Variants in RTTN observed in about 807,000 individuals in gnomAD.
RTTN encodes the protein rotatin.
Under a neutral mutation model 269.2 loss-of-function variants are expected in RTTN, and 182 were observed. That is an observed-to-expected ratio of 0.68 (90% CI 0.60 to 0.76). The LOEUF (loss-of-function observed/expected upper bound fraction) is 0.76. Among genes scored for constraint, RTTN ranks in the 30% least tolerant of loss-of-function variants. The probability of loss-of-function intolerance (pLI) is 0.00; values close to 1 mark genes in which losing one functional copy is unlikely to be tolerated. For synonymous variants in RTTN, 1,006 were observed against 963.5 expected, an observed-to-expected ratio of 1.04 and a Z score of -0.82; for missense variants, 2,545 against 2,608.6, an observed-to-expected ratio of 0.98 and a Z score of 0.53.
In RTTN at chr18:70,003,958, A is replaced by T; in HGVS notation, c.*193T>A. 2.4e-6 allele frequency: 1 copy of T among 408,668 alleles called. No individual in the cohort carries two copies. Among genetic ancestry groups the T allele is most frequent in the Non-Finnish European group, 4.3e-6 (1 of 230,800 alleles). The allele number at this position is 408,668 out of a possible 1,614,324, so 25.3% of individuals were successfully genotyped here. ...AAGGCACAGAAAGTTGTCAGCTGCT[A>T]TTACTTCTGGAGAGCTGCCACAACT... is the stretch of plus-strand genomic sequence containing the variant. On this transcript the variant is annotated 3_prime_UTR_variant, in exon 49 of 49. Coordinates refer to ENST00000640769, the MANE Select transcript of RTTN (RefSeq NM_173630.4).
At chr18:70,186,493 C>T (rs2061551087) in intron 10 of RTTN, among the ~76,000 whole-genome samples, 1 of 152,110 alleles carries the variant, frequency 6.6e-6, no homozygotes, top group African/African-American at 2.4e-5. Context: ...GTGGCTCGCA[C>T]CTGTAATTCT....
At chr18:70,018,826 CTTTTT>C (rs5825984) in intron 45 of RTTN, among the ~76,000 whole-genome samples, 13 of 48,986 alleles carry the variant, frequency 2.7e-4, no homozygotes, top group East Asian at 1.6e-3. Flanking sequence ...GTGGGCACTC[CTTTTT>C]TTTTTTTTTT....
chr18:70,095,307 T>C (rs2058972358), intron 28 of RTTN, among the ~76,000 whole-genome samples: 1 of 152,198 alleles, frequency 6.6e-6, no homozygotes, highest in Non-Finnish European at 1.5e-5. Flanking sequence ...ACATTTAAGA[T>C]TAATATTGTT....
Position 70,199,405 on chromosome 18 carries a change from G to A in RTTN, c.578+9C>T. 1 of 1,576,858 alleles carries A rather than the reference G, an allele frequency of 6.3e-7. No individual in the cohort carries two copies. Among genetic ancestry groups the A allele is most frequent in the Non-Finnish European group, 8.7e-7 (1 of 1,146,650 alleles). The stretch of plus-strand genomic sequence containing the variant: ...ACAAAAATACCTGAAAATACATCAA[G>A]CACCGTACCTTTCATTAGAGGAGAG... On this transcript the variant is annotated intron_variant, in intron 5 of 48. Coordinates refer to ENST00000640769, the MANE Select transcript of RTTN (RefSeq NM_173630.4).
intron 5 of RTTN, among the ~76,000 whole-genome samples, chr18:70,198,966 C>T (rs1027489416): frequency 6.6e-6 from 1 of 152,144 alleles, no homozygotes; most frequent in African/African-American, 2.4e-5. Context: ...AGGGGCGGAT[C>T]ACTTGAGATT....
At chr18:70,067,712 A>G (rs1225151637) in intron 34 of RTTN, among the ~76,000 whole-genome samples, 3 of 152,218 alleles carry the variant, frequency 2.0e-5, no homozygotes, top group Admixed American at 1.3e-4. Context: ...CATTCTTTCA[A>G]CTGATAAAGA....
At chr18:70,101,960 G>C (rs1012049883) in intron 28 of RTTN, among the ~76,000 whole-genome samples, 7 of 152,142 alleles carry the variant, frequency 4.6e-5, no homozygotes, top group African/African-American at 1.4e-4. Flanking sequence ...CATAACTTCT[G>C]TTCTTTTTCA....
In RTTN at chr18:70,057,729, T is replaced by C; in HGVS notation, c.5031+13A>G. ...AACGTAAACAAACCCACAAACAGAC[T>C]TGAGATGCTTACCTGAGCCTGAGTG... On this transcript the variant is annotated intron_variant, in intron 37 of 48. Coordinates refer to ENST00000640769, the MANE Select transcript of RTTN (RefSeq NM_173630.4). The C allele has an allele frequency of 1.9e-6, 3 of 1,609,678 alleles. No homozygotes were observed. Among genetic ancestry groups the C allele is most frequent in the African/African-American group, 1.3e-5 (1 of 74,942 alleles).
chr18:70,075,337 A>G lies in RTTN; in HGVS notation c.4564+15T>C. The G allele has an allele frequency of 6.8e-7, 1 of 1,475,312 alleles. No homozygotes were observed. The highest frequency in any genetic ancestry group is 9.1e-7 in the Non-Finnish European group (1 of 1,102,878). 91.4% of individuals were successfully genotyped at this position (1,475,312 alleles called of 1,614,324 possible). ...ACATATTACAAAAATAAAAATACAA[A>G]GATATCGTACTTACCATTTAAATCA... On this transcript the variant is annotated intron_variant, in intron 33 of 48. Coordinates refer to ENST00000640769, the MANE Select transcript of RTTN (RefSeq NM_173630.4).
intron 30 of RTTN, 113 bp downstream of exon 30, chr18:70,091,997 C>T: frequency 1.8e-6 from 1 of 555,164 alleles, no homozygotes; most frequent in Non-Finnish European, 3.3e-6. Context: ...TCGTGATCTG[C>T]CCACCTCAGC....
At chr18:70,135,950 A>G (rs2060113937) in intron 21 of RTTN, among the ~76,000 whole-genome samples, 1 of 152,160 alleles carries the variant, frequency 6.6e-6, no homozygotes, top group Non-Finnish European at 1.5e-5. Context: ...CTTGAAACCT[A>G]TGAAATTCTA....
chr18:70,201,474 G>A (rs1346304743), intron 4 of RTTN, among the ~76,000 whole-genome samples: 1 of 150,828 alleles, frequency 6.6e-6, no homozygotes, highest in African/African-American at 2.4e-5. Context: ...TGGGCGTAGT[G>A]GCGGGCGCCT....
At chr18:70,083,557 T>C (rs1004074266) in intron 32 of RTTN, among the ~76,000 whole-genome samples, 1 of 152,166 alleles carries the variant, frequency 6.6e-6, no homozygotes, top group Non-Finnish European at 1.5e-5. Flanking sequence ...TAAATGTTAG[T>C]GTCTTTAAAA....
At chr18:70,086,939 T>C (rs1424398674) in intron 31 of RTTN, among the ~76,000 whole-genome samples, 1 of 152,124 alleles carries the variant, frequency 6.6e-6, no homozygotes, top group Non-Finnish European at 1.5e-5. Flanking sequence ...TCAGGAAATA[T>C]ATCTTTTCCT....
At chr18:70,176,221 GTATA>G (rs1289194393) in intron 11 of RTTN, among the ~76,000 whole-genome samples, 3 of 145,212 alleles carry the variant, frequency 2.1e-5, no homozygotes, top group East Asian at 3.9e-4. Context: ...ATATGTATAT[GTATA>G]TGTATATGTA....
chr18:70,176,043 T>C (rs1277216121), intron 11 of RTTN, among the ~76,000 whole-genome samples: 3 of 152,130 alleles, frequency 2.0e-5, no homozygotes, highest in Non-Finnish European at 4.4e-5. Context: ...AATTAAAAGA[T>C]ACAAGTGTAC....
chr18:70,166,238 A>G (rs774517827), intron 13 of RTTN, 50 bp from the exon 14 acceptor site: 30 of 1,593,994 alleles, frequency 1.9e-5, no homozygotes, highest in Non-Finnish European at 2.6e-5. Context: ...TAAGTTAGTA[A>G]GCAAAAGACT....
At chr18:70,067,252 C>T (rs905605001) in intron 34 of RTTN, among the ~76,000 whole-genome samples, 9 of 151,828 alleles carry the variant, frequency 5.9e-5, no homozygotes, top group East Asian at 1.9e-4. Flanking sequence ...CTCCGCCTCC[C>T]GGGTTCACGC....
chr18:70,045,047 A>G (rs935199571), intron 40 of RTTN, among the ~76,000 whole-genome samples: 1 of 152,232 alleles, frequency 6.6e-6, no homozygotes, highest in Non-Finnish European at 1.5e-5. Flanking sequence ...TATGGACAAA[A>G]GACAGCTGAA....
Sources: allele counts gnomAD v4.1 joint callset (sites outside exome capture counted in the v4.1 genomes callset), GRCh38; gene constraint gnomAD v4.1.1; transcripts MANE v1.5; gene names NCBI Gene and HGNC (gene_info 2026-07-23, HGNC 2026-07-21).